Variants in SNCAIP observed in about 807,000 individuals in gnomAD.
The protein encoded by SNCAIP is synuclein alpha interacting protein.
SNCAIP carries 43 observed loss-of-function variants against 86.7 expected under a neutral mutation model. The ratio of observed to expected loss-of-function variants is 0.50; its 90% CI spans 0.39 to 0.64. SNCAIP has a LOEUF of 0.64. Among genes scored for constraint, SNCAIP ranks in the 30% least tolerant of loss-of-function variants. SNCAIP has a pLI of 0.00. For missense variants in SNCAIP, 981 were observed against 1,103.1 expected (o/e 0.89, Z 1.57); for synonymous variants, 417 against 427.2 (o/e 0.98, Z 0.29).
intron 7 of SNCAIP, chr5:122,443,744 C>T (rs1781645122): frequency 2.3e-6 from 1 of 442,930 alleles, no homozygotes; most frequent in African/African-American, 2.0e-5. Context: ...TGCAACCTCC[C>T]TGAAAGTTGT....
intron 3 of SNCAIP, among the ~76,000 whole-genome samples, chr5:122,410,236 T>C (rs1377400486): frequency 6.6e-6 from 1 of 152,184 alleles, no homozygotes; most frequent in Admixed American, 6.5e-5. Context: ...GAGTATTTTT[T>C]CCCCGAGGCA....
intron 1 of SNCAIP, among the ~76,000 whole-genome samples, chr5:122,380,735 G>T (rs970279865): frequency 2.6e-5 from 4 of 151,076 alleles, no homozygotes; most frequent in Non-Finnish European, 5.9e-5. Context: ...ATTCTGGTAT[G>T]TGGTGTCTTT....
At position 122,423,183 on chromosome 5, in the gene SNCAIP, A is replaced by T. The variant is rs1776739246; in HGVS notation, c.446A>T (p.Asp149Val). 3 of 1,614,150 alleles carry T rather than the reference A, an allele frequency of 1.9e-6. No individual in the cohort carries two copies. Among genetic ancestry groups the T allele is most frequent in the Non-Finnish European group, 2.5e-6 (3 of 1,180,010 alleles). Residue 149 changes from aspartate to valine, a missense_variant, in exon 4 of 11, where the codon GAC (aspartate) becomes GTC (valine). By Grantham distance (152) the Asp-to-Val change is radical (BLOSUM62 -3). Transcript: ENST00000261368. ...SLGELEHYDL[D>V]MDEILDVPYI... is the part of the protein sequence containing the mutation. ...GGTGAACTGGAGCACTACGACCTCG[A>T]CATGGATGAGATTCTGGATGTGCCT... is the stretch of plus-strand genomic sequence containing the variant.
chr5:122,413,694 A>G (rs1229437528), intron 3 of SNCAIP, among the ~76,000 whole-genome samples: 1 of 152,072 alleles, frequency 6.6e-6, no homozygotes, highest in Non-Finnish European at 1.5e-5. Context: ...AATTGCTTTA[A>G]CACTCTGACC....
chr5:122,460,274 A>AC (rs1332885551), intron 10 of SNCAIP, among the ~76,000 whole-genome samples: 1 of 151,932 alleles, frequency 6.6e-6, no homozygotes, highest in African/African-American at 2.4e-5. Flanking sequence ...AGCATGTGCC[A>AC]CCCCACCCAG....
chr5:122,408,618 T>A (rs1054688582), intron 3 of SNCAIP, among the ~76,000 whole-genome samples: 1 of 152,062 alleles, frequency 6.6e-6, no homozygotes, highest in Non-Finnish European at 1.5e-5. Flanking sequence ...TACACTGCAG[T>A]AGGACTGTTT....
At chr5:122,389,843 GAAAATTAA>G (rs1159894616) in intron 1 of SNCAIP, 1 of 151,604 alleles carries the variant, frequency 6.6e-6, no homozygotes, top group Non-Finnish European at 1.5e-5. Context: ...GAGGAAACAG[GAAAATTAA>G]ATCAAGTGAT....
At chr5:122,418,330 G>A (rs949543384) in intron 3 of SNCAIP, among the ~76,000 whole-genome samples, 4 of 152,134 alleles carry the variant, frequency 2.6e-5, no homozygotes, top group African/African-American at 7.2e-5. Flanking sequence ...CACAACATGT[G>A]TTATATCCCA....
chr5:122,404,484 G>A (rs1772539232), intron 3 of SNCAIP, among the ~76,000 whole-genome samples: 2 of 152,160 alleles, frequency 1.3e-5, no homozygotes, highest in African/African-American at 4.8e-5. Flanking sequence ...TTTTCCCTCT[G>A]TAAATCAAAT....
In SNCAIP at chr5:122,364,746, A is replaced by G. The variant is rs553463905; in HGVS notation, c.-46-26343A>G. ...TTCATTTTCTTTATTTCTTTTTTTT[A>G]TATTTCAATAAATTTTAAAAATGTA... On this transcript the variant is annotated intron_variant, in intron 1 of 10. Coordinates refer to ENST00000261368, the MANE Select transcript of SNCAIP (RefSeq NM_005460.4). Among the ~76,000 whole-genome samples the G allele has an allele frequency of 1.2e-4, 18 of 151,674 alleles. No individual in the cohort carries two copies. The South Asian group carries it at 3.5e-3, about 30-fold the overall frequency.
rs765610130 is a variant in SNCAIP, at chr5:122,403,755, A to G, written c.58-38A>G. On this transcript the variant is annotated intron_variant, in intron 2 of 10. Transcript: ENST00000261368. The stretch of plus-strand genomic sequence containing the variant: ...ATCTGAGTGAATGCTCGCATTTTAA[A>G]TTATTTTATGCCCTCTCTTCTCTGG... The G allele has an allele frequency of 2.0e-6, 3 of 1,534,396 alleles. No individual in the cohort carries two copies. The African/African-American group carries it at 4.1e-5, about 21-fold the overall frequency.
At chr5:122,429,983 C>G (rs949212756) in intron 5 of SNCAIP, among the ~76,000 whole-genome samples, 1 of 152,298 alleles carries the variant, frequency 6.6e-6, no homozygotes, top group Middle Eastern at 3.4e-3. Flanking sequence ...CTGTCACCAT[C>G]AGCCAGATCC....
At chr5:122,323,960 A>G (rs560936640) in intron 1 of SNCAIP, among the ~76,000 whole-genome samples, 2 of 152,300 alleles carry the variant, frequency 1.3e-5, no homozygotes, top group East Asian at 3.9e-4. Context: ...CTTACACAGC[A>G]TGAAAGGGAG....
At chr5:122,387,360 G>A (rs1255042272) in intron 1 of SNCAIP, among the ~76,000 whole-genome samples, 3 of 152,098 alleles carry the variant, frequency 2.0e-5, no homozygotes, top group Non-Finnish European at 4.4e-5. Context: ...GGGTTTCATT[G>A]TGTTAGCCAG....
At chr5:122,385,909 A>G (rs1561639278) in intron 1 of SNCAIP, among the ~76,000 whole-genome samples, 2 of 152,198 alleles carry the variant, frequency 1.3e-5, no homozygotes, top group Non-Finnish European at 2.9e-5. Flanking sequence ...TTTGGCAGAA[A>G]AGGAGAAATC....
chr5:122,419,512 A>G (rs1264934921), intron 3 of SNCAIP, among the ~76,000 whole-genome samples: 1 of 152,178 alleles, frequency 6.6e-6, no homozygotes, highest in African/African-American at 2.4e-5. Flanking sequence ...AGGCATGTTT[A>G]CTTCTGTAAG....
chr5:122,345,478 A>C (rs937112168), intron 1 of SNCAIP, among the ~76,000 whole-genome samples: 1 of 152,166 alleles, frequency 6.6e-6, no homozygotes, highest in Admixed American at 6.5e-5. Flanking sequence ...GGAAGAACTA[A>C]AGTGAATATT....
intron 7 of SNCAIP, among the ~76,000 whole-genome samples, chr5:122,443,222 C>G (rs1045514979): frequency 1.3e-5 from 2 of 152,132 alleles, no homozygotes; most frequent in Non-Finnish European, 2.9e-5. Context: ...AATTTAAATA[C>G]TACAACTATT....
Position 122,443,452 on chromosome 5 carries a change from A to G in SNCAIP, c.1423-1111A>G, listed in dbSNP as rs115391220. On this transcript the variant is annotated intron_variant, in intron 7 of 10. Coordinates refer to ENST00000261368, the MANE Select transcript of SNCAIP (RefSeq NM_005460.4). ...ATCAAATTTCTCTCTCTCCACAACTAATGATACCTTGGCCAGATTCCGTAA... is the reference window on the plus strand; with the variant it reads ...ATCAAATTTCTCTCTCTCCACAACTGATGATACCTTGGCCAGATTCCGTAA... 3.6e-3 allele frequency: 1,159 copies of G among 324,832 alleles called. 12 individuals are homozygous for G. The highest frequency in any genetic ancestry group is 0.023 in the African/African-American group (1,067 of 46,648). 20.1% of individuals were successfully genotyped at this position (324,832 alleles called of 1,614,324 possible). A position where few individuals can be genotyped will look rare whatever the true frequency, so the allele number is the denominator to read the frequency against.
Sources: allele counts gnomAD v4.1 joint callset (sites outside exome capture counted in the v4.1 genomes callset), GRCh38; gene constraint gnomAD v4.1.1; transcripts MANE v1.5; gene names NCBI Gene and HGNC (gene_info 2026-07-23, HGNC 2026-07-21).